PCDHA5: variants seen among roughly 807,000 people sequenced by gnomAD.
PCDHA5 encodes the protein protocadherin alpha 5, also known as protocadherin alpha-5.
In PCDHA5, 43 loss-of-function variants were observed where a neutral mutation model predicts 61.6. The observed-to-expected ratio is 0.70, with a 90% CI of 0.55 to 0.90. The LOEUF is 0.90. Ranked by LOEUF, PCDHA5 falls within the 40% of genes least tolerant of loss-of-function variation. The pLI is 0.00. For missense variants in PCDHA5, 1,298 were observed against 1,222.7 expected (o/e 1.06, Z -0.92); for synonymous variants, 627 against 543.9 (o/e 1.15, Z -2.13).
intron 1 of PCDHA5, chr5:140,837,027 GTATTTACAAAATCAAA>G (rs1484122641): frequency 1.7e-5 from 4 of 237,742 alleles, no homozygotes; most frequent in African/African-American, 9.1e-5. Context: ...CTTCTATAGT[GTATTTACAAAATCAAA>G]TATTTACATT....
intron 1 of PCDHA5, among the ~76,000 whole-genome samples, chr5:140,942,271 A>G (rs1421470016): frequency 6.6e-6 from 1 of 152,184 alleles, no homozygotes; most frequent in Non-Finnish European, 1.5e-5. Context: ...AAAGCTGGTA[A>G]TGGTGGCTCA....
intron 1 of PCDHA5, among the ~76,000 whole-genome samples, chr5:140,837,876 G>A (rs1434787850): frequency 2.6e-5 from 4 of 151,526 alleles, no homozygotes; most frequent in African/African-American, 9.7e-5. Flanking sequence ...ACAGGGTGGA[G>A]TCTTGTTTCC....
At chr5:140,964,910 A>G (rs1474342229) in intron 1 of PCDHA5, among the ~76,000 whole-genome samples, 2 of 152,206 alleles carry the variant, frequency 1.3e-5, no homozygotes, top group African/African-American at 4.8e-5. Context: ...CTTCTCTGGA[A>G]TAACACTGGC....
At position 141,010,202 on chromosome 5, in the gene PCDHA5, G is replaced by C; in HGVS notation, c.*265G>C. 6.4e-7 allele frequency: 1 copy of C among 1,551,944 alleles called. No homozygotes were observed. The highest frequency in any genetic ancestry group is 8.7e-7 in the Non-Finnish European group (1 of 1,147,050). The stretch of plus-strand genomic sequence containing the variant: ...CAGACCCAAGTTTCCTTTCTCCTCC[G>C]CCGCAAAGGAGAGGCTTCCCAGCCC... On this transcript the variant is annotated 3_prime_UTR_variant, in exon 4 of 4. Coordinates refer to ENST00000529859, the MANE Select transcript of PCDHA5 (RefSeq NM_018908.3).
intron 1 of PCDHA5, chr5:140,830,356 G>A (rs1771016173): frequency 1.2e-6 from 2 of 1,614,144 alleles, no homozygotes; most frequent in East Asian, 2.2e-5. Flanking sequence ...AGCAGAGGCG[G>A]CAGAGGGTGT....
Position 140,928,140 on chromosome 5 carries a change from G to GGCC in PCDHA5, c.2353-50808_2353-50806dup. 3 of 1,614,154 alleles carry GGCC rather than the reference G, an allele frequency of 1.9e-6. No homozygotes were observed. The South Asian group carries it at 3.3e-5, about 18-fold the overall frequency. On this transcript the variant is annotated intron_variant, in intron 1 of 3. Transcript: ENST00000529859. ...TCAGTGAATACCAAGTCCTGATCAC[G>GGCC]GCCTCAGATAGTGGCTCACCCCCAC...
At chr5:140,876,773 C>A (rs782103064) in intron 1 of PCDHA5, 2 of 1,614,226 alleles carry the variant, frequency 1.2e-6, no homozygotes, top group South Asian at 2.2e-5. Context: ...GGCTCGCCTT[C>A]GCTGTGGGCC....
chr5:140,929,681 AAG>A, intron 1 of PCDHA5: 1 of 302,408 alleles, frequency 3.3e-6, no homozygotes, highest in Non-Finnish European at 6.3e-6. Flanking sequence ...AAAAATATGT[AAG>A]AGTCTGCTTT....
chr5:140,995,684 A>G (rs2097694657), intron 3 of PCDHA5, among the ~76,000 whole-genome samples: 1 of 152,144 alleles, frequency 6.6e-6, no homozygotes, highest in Non-Finnish European at 1.5e-5. Context: ...ATTTTTTTTA[A>G]TTGTTAAATA....
chr5:140,911,502 G>A (rs911736161), intron 1 of PCDHA5, among the ~76,000 whole-genome samples: 4 of 152,104 alleles, frequency 2.6e-5, no homozygotes, highest in Admixed American at 1.3e-4. Flanking sequence ...CAGGTTTGAG[G>A]TTCAGTATCT....
chr5:140,850,357 C>G (rs146638035), intron 1 of PCDHA5: 1 of 1,597,856 alleles, frequency 6.3e-7, no homozygotes, highest in African/African-American at 1.3e-5. Flanking sequence ...GCGAGCATCC[C>G]GTTCCGCGTG....
At chr5:140,965,496 ATTTTTT>A (rs71766133) in intron 1 of PCDHA5, among the ~76,000 whole-genome samples, 2 of 146,442 alleles carry the variant, frequency 1.4e-5, no homozygotes, top group African/African-American at 2.5e-5. Flanking sequence ...ATGACAGCAG[ATTTTTT>A]TTTTTTTTTA....
intron 1 of PCDHA5, among the ~76,000 whole-genome samples, chr5:140,890,597 G>A (rs527637387): frequency 2.6e-5 from 4 of 152,002 alleles, no homozygotes; most frequent in African/African-American, 4.8e-5. Flanking sequence ...GCCCTTTTCC[G>A]AATAGCTAGT....
At position 140,850,923 on chromosome 5, in the gene PCDHA5, AT is replaced by A. The variant is rs2150502772; in HGVS notation, c.2352+26804del. 1.2e-4 allele frequency: 181 copies of A among 1,521,692 alleles called. 10 individuals carry two copies. The South Asian group carries it at 1.6e-3, about 13-fold the overall frequency. 94.3% of individuals were successfully genotyped at this position (1,521,692 alleles called of 1,614,324 possible). ...TTCTAGCATTTTATTTATTTATATAATTTTTTTTCTTGAAAGATATTATCGA... is the reference window on the plus strand; with the variant it reads ...TTCTAGCATTTTATTTATTTATATAATTTTTTTCTTGAAAGATATTATCGA... On this transcript the variant is annotated intron_variant, in intron 1 of 3. Coordinates refer to ENST00000529859, the MANE Select transcript of PCDHA5 (RefSeq NM_018908.3).
intron 1 of PCDHA5, chr5:140,966,679 G>T: frequency 1.5e-6 from 2 of 1,317,678 alleles, no homozygotes; most frequent in Admixed American, 3.8e-5. Context: ...AGGGTGGCAC[G>T]AGCGGAGGCG....
intron 1 of PCDHA5, chr5:140,877,777 C>T: frequency 6.2e-7 from 1 of 1,614,172 alleles, no homozygotes; most frequent in South Asian, 1.1e-5. Context: ...CAAGACGGAC[C>T]TCATGGCCTT....
chr5:140,912,227 C>T (rs1422799663), intron 1 of PCDHA5, among the ~76,000 whole-genome samples: 1 of 151,784 alleles, frequency 6.6e-6, no homozygotes, highest in Non-Finnish European at 1.5e-5. Flanking sequence ...TTTCCCAGTC[C>T]ACTGACTCAA....
intron 1 of PCDHA5, among the ~76,000 whole-genome samples, chr5:140,937,626 A>G (rs2091639486): frequency 6.6e-6 from 1 of 150,782 alleles, no homozygotes; most frequent in Non-Finnish European, 1.5e-5. Context: ...AAAAAGAAAA[A>G]GAAAGGCAGG....
Position 140,823,895 on chromosome 5 carries a change from C to T in PCDHA5, c.2120C>T (p.Ser707Phe), listed in dbSNP as rs1767916685. ...CTGATCATCGCCATCTGTGCGGTGT[C>T]CAGCCTGCTGGTGCTCACGCTGCTG... The part of the protein sequence containing the change: ...VYLIIAICAV[S>F]SLLVLTLLLY... The change falls in exon 1 of 4, where the codon TCC becomes TTC. Residue 707 changes from serine (S) to phenylalanine (F), a missense_variant. Transcript: ENST00000529859. The T allele has an allele frequency of 2.5e-6, 4 of 1,613,856 alleles. No homozygotes were observed. Among genetic ancestry groups the T allele is most frequent in the Non-Finnish European group, 3.4e-6 (4 of 1,179,952 alleles).
Sources: allele counts gnomAD v4.1 joint callset (sites outside exome capture counted in the v4.1 genomes callset), GRCh38; gene constraint gnomAD v4.1.1; transcripts MANE v1.5; gene names NCBI Gene and HGNC (gene_info 2026-07-23, HGNC 2026-07-21).